The following DRC8 variants were observed in gnomAD, a reference collection of about 807,000 sequenced individuals.
DRC8 encodes the protein dynein regulatory complex subunit 8.
the DRC8 span, among the ~76,000 whole-genome samples, chr1:245,075,046 G>C: frequency 6.6e-6 from 1 of 152,110 alleles, no homozygotes; most frequent in Non-Finnish European, 1.5e-5. Flanking sequence ...CTTGTTTTTT[G>C]TGAAGCATGA....
chr1:244,998,390 T>A, the DRC8 span, among the ~76,000 whole-genome samples: 12 of 152,018 alleles, frequency 7.9e-5, no homozygotes, highest in Admixed American at 2.0e-4. Flanking sequence ...AAAATTTTAT[T>A]TTTAGTAGAG....
the DRC8 span, among the ~76,000 whole-genome samples, chr1:244,972,093 G>T: frequency 6.6e-6 from 1 of 152,090 alleles, no homozygotes; most frequent in African/African-American, 2.4e-5. Flanking sequence ...AGTATTTCTC[G>T]TTTTTTAAAA....
At chr1:245,084,873 C>T in the DRC8 span, among the ~76,000 whole-genome samples, 25 of 152,272 alleles carry the variant, frequency 1.6e-4, no homozygotes, top group South Asian at 5.0e-3. Context: ...ATGGCAAGGC[C>T]GTCACAGCTG....
the DRC8 span, among the ~76,000 whole-genome samples, chr1:245,086,530 C>G: frequency 6.6e-6 from 1 of 152,186 alleles, no homozygotes; most frequent in African/African-American, 2.4e-5. Flanking sequence ...TAAAATAAAT[C>G]ACACTGAATC....
the DRC8 span, among the ~76,000 whole-genome samples, chr1:245,025,564 G>A: frequency 6.6e-6 from 1 of 152,076 alleles, no homozygotes; most frequent in African/African-American, 2.4e-5. Flanking sequence ...GCCCAATCCT[G>A]GAATAAAAGT....
At chr1:244,995,341 A>G in the DRC8 span, among the ~76,000 whole-genome samples, 3 of 151,592 alleles carry the variant, frequency 2.0e-5, no homozygotes, top group East Asian at 3.9e-4. Context: ...AGCCTGAGTG[A>G]CAAGAGCAAG....
chr1:245,005,121 AT>A, the DRC8 span, among the ~76,000 whole-genome samples: 1 of 152,220 alleles, frequency 6.6e-6, no homozygotes, highest in East Asian at 1.9e-4. Context: ...GAGAAATCCC[AT>A]TTGGTCATAG....
chr1:245,078,451 T>TAAACAAA, the DRC8 span, among the ~76,000 whole-genome samples: 466 of 27,128 alleles, frequency 0.017, 2 homozygotes, highest in African/African-American at 0.038. Context: ...AATGAGTGGA[T>TAAACAAA]AGTATATGTA....
At chr1:245,068,322 G>A in the DRC8 span, among the ~76,000 whole-genome samples, 1 of 152,102 alleles carries the variant, frequency 6.6e-6, no homozygotes, top group East Asian at 1.9e-4. Flanking sequence ...AAATAAATAG[G>A]AACTTCCTTT....
chr1:245,046,848 CTCTCTTATAT>C, the DRC8 span, among the ~76,000 whole-genome samples: 1 of 152,300 alleles, frequency 6.6e-6, no homozygotes, highest in East Asian at 1.9e-4. Context: ...TTCTCACTCG[CTCTCTTATAT>C]TGCCTTTACT....
the DRC8 span, among the ~76,000 whole-genome samples, chr1:245,058,537 A>G: frequency 6.6e-6 from 1 of 152,254 alleles, no homozygotes; most frequent in Admixed American, 6.5e-5. Flanking sequence ...AAAATTATCC[A>G]GAGTGGTAAA....
At chr1:245,078,740 G>A in the DRC8 span, among the ~76,000 whole-genome samples, 48 of 152,294 alleles carry the variant, frequency 3.2e-4, no homozygotes, top group African/African-American at 7.9e-4. Flanking sequence ...AATTTCTGAT[G>A]TACAGTGTGG....
At chr1:245,084,594 A>C in the DRC8 span, among the ~76,000 whole-genome samples, 2 of 152,134 alleles carry the variant, frequency 1.3e-5, no homozygotes, top group East Asian at 3.8e-4. Context: ...TGATGTGTAA[A>C]TTTGTTTACA....
the DRC8 span, among the ~76,000 whole-genome samples, chr1:245,027,004 C>T: frequency 6.6e-6 from 1 of 152,170 alleles, no homozygotes; most frequent in Non-Finnish European, 1.5e-5. Flanking sequence ...AAGATGTTAA[C>T]ATCTGTTAAA....
At chr1:244,996,237 G>A in the DRC8 span, among the ~76,000 whole-genome samples, 7 of 151,976 alleles carry the variant, frequency 4.6e-5, no homozygotes, top group Admixed American at 4.6e-4. Flanking sequence ...TGCTTGAGTG[G>A]GGTTACCCAT....
chr1:245,017,142 C>A, the DRC8 span: 2 of 1,088,496 alleles, frequency 1.8e-6, no homozygotes, highest in Non-Finnish European at 2.6e-6. Flanking sequence ...GAGGGTTCTT[C>A]ATATGCTTAC....
the DRC8 span, among the ~76,000 whole-genome samples, chr1:245,058,506 G>A: frequency 6.6e-6 from 1 of 152,080 alleles, no homozygotes; most frequent in Non-Finnish European, 1.5e-5. Flanking sequence ...TTTGTAAATA[G>A]GGAGTAAATA....
the DRC8 span, among the ~76,000 whole-genome samples, chr1:245,048,224 G>A: frequency 1.3e-5 from 2 of 152,134 alleles, no homozygotes; most frequent in East Asian, 1.9e-4. Context: ...GGAATGGTAG[G>A]CTGATACACA....
At chr1:244,978,862 C>CT in the DRC8 span, among the ~76,000 whole-genome samples, 18 of 151,236 alleles carry the variant, frequency 1.2e-4, no homozygotes, top group South Asian at 2.1e-4. Context: ...TGGACATTGC[C>CT]TTTTTTTTTA....
Sources: gnomAD v4.1 joint callset for allele counts (sites outside exome capture counted in the v4.1 genomes callset) on GRCh38, gnomAD v4.1.1 for gene constraint, MANE v1.5 for transcripts, NCBI Gene and HGNC (gene_info 2026-07-23, HGNC 2026-07-21) for gene names.